The following DIP2C variants were observed in gnomAD, a reference collection of about 807,000 sequenced individuals.
The protein encoded by DIP2C is DIP2 acetate--CoA ligase C (putative), also known as disco-interacting protein 2 homolog C.
A neutral mutation model predicts 192.4 loss-of-function variants in DIP2C; 33 were observed. The ratio of observed to expected loss-of-function variants is 0.17; its 90% CI spans 0.13 to 0.23. DIP2C has a LOEUF of 0.23. Among genes scored for constraint, DIP2C ranks in the 10% least tolerant of loss-of-function variants. DIP2C has a pLI of 1.00. For synonymous variants in DIP2C, 979 were observed against 864.1 expected, an observed-to-expected ratio of 1.13 and a Z score of -2.33; for missense variants, 1,537 against 2,110.1, an observed-to-expected ratio of 0.73 and a Z score of 5.32.
intron 1 of DIP2C, among the ~76,000 whole-genome samples, chr10:509,833 G>C (rs1030789250): frequency 5.3e-5 from 8 of 152,076 alleles, no homozygotes; most frequent in South Asian, 2.1e-4. Flanking sequence ...GGAGAGGACA[G>C]GGCCGCCGCA....
Position 472,432 on chromosome 10 carries a change from T to A in DIP2C, c.268+7A>T, listed in dbSNP as rs1217806378. ...GGACGTATTGTATCACCCCACCCCG[T>A]GCTTACCTGACCGATAGCGCTCATC... On this transcript the variant is annotated splice_region_variant and intron_variant, in intron 3 of 36. Transcript: ENST00000280886. 4 of 1,613,426 alleles carry A rather than the reference T, an allele frequency of 2.5e-6. No homozygotes were observed. Among genetic ancestry groups the A allele is most frequent in the Non-Finnish European group, 3.4e-6 (4 of 1,179,568 alleles).
At chr10:441,524 T>C (rs546527807) in intron 3 of DIP2C, among the ~76,000 whole-genome samples, 2 of 152,284 alleles carry the variant, frequency 1.3e-5, no homozygotes, top group Admixed American at 6.5e-5. Flanking sequence ...GAAGAGGTAA[T>C]TGAATCATTG....
intron 1 of DIP2C, among the ~76,000 whole-genome samples, chr10:542,438 T>C: frequency 6.6e-6 from 1 of 152,080 alleles, no homozygotes. Context: ...AAAGGAACGG[T>C]GTCAAAGAGG....
At chr10:605,206 T>C (rs1369327616) in intron 1 of DIP2C, among the ~76,000 whole-genome samples, 3 of 152,192 alleles carry the variant, frequency 2.0e-5, no homozygotes, top group East Asian at 3.8e-4. Context: ...CAGAACCTTC[T>C]AGATGAAAGC....
chr10:483,029 C>T (rs1354108678), intron 2 of DIP2C, among the ~76,000 whole-genome samples: 1 of 152,192 alleles, frequency 6.6e-6, no homozygotes, highest in Non-Finnish European at 1.5e-5. Context: ...TAGATTTAGG[C>T]AGGTGCTCAG....
At chr10:549,725 C>T (rs543237760) in intron 1 of DIP2C, among the ~76,000 whole-genome samples, 1 of 152,302 alleles carries the variant, frequency 6.6e-6, no homozygotes, top group African/African-American at 2.4e-5. Flanking sequence ...CTTTTCACTC[C>T]CTACTCCCGA....
chr10:375,872 CA>C (rs199612256), intron 17 of DIP2C, among the ~76,000 whole-genome samples: 1 of 572 alleles, frequency 1.7e-3, no homozygotes, highest in Non-Finnish European at 5.8e-3. Flanking sequence ...CAAGGTCTTT[CA>C]TTTTTTTTAT....
chr10:357,935 T>C lies in DIP2C; in HGVS notation c.2797A>G (p.Ile933Val). Residue 933 changes from isoleucine to valine, a missense_variant and splice_region_variant, in exon 23 of 37, where the codon ATC (isoleucine) becomes GTC (valine). By Grantham distance (29) the Ile-to-Val change is conservative. This residue lies in a region of DIP2C where 677 missense variants were observed against 989.9 expected (regional missense o/e 0.68). Transcript: ENST00000280886. ...LPKPRQKQPEIGPASVMVGNL... is the reference protein window; with the variant it reads ...LPKPRQKQPEVGPASVMVGNL... ...CCCACCATCACAGAGGCAGGGCCGATTTCTAGAAAGAAACAGAGACATGGC... is the reference window on the plus strand; with the variant it reads ...CCCACCATCACAGAGGCAGGGCCGACTTCTAGAAAGAAACAGAGACATGGC... 4 of 1,611,106 alleles carry C rather than the reference T, an allele frequency of 2.5e-6. No homozygotes were observed. The highest frequency in any genetic ancestry group is 3.4e-6 in the Non-Finnish European group (4 of 1,178,674).
At chr10:304,775 A>C (rs865924039) in intron 32 of DIP2C, among the ~76,000 whole-genome samples, 15 of 151,464 alleles carry the variant, frequency 9.9e-5, no homozygotes, top group Admixed American at 6.6e-4. Flanking sequence ...CTACACTCAC[A>C]CATGCAAACT....
At chr10:634,412 C>T (rs931610905) in intron 1 of DIP2C, among the ~76,000 whole-genome samples, 1 of 152,222 alleles carries the variant, frequency 6.6e-6, no homozygotes. Context: ...TTGGAAGTAG[C>T]GCTGGAGAAT....
chr10:611,140 CTG>C (rs1289517879), intron 1 of DIP2C, among the ~76,000 whole-genome samples: 2 of 152,138 alleles, frequency 1.3e-5, no homozygotes, highest in Non-Finnish European at 2.9e-5. Flanking sequence ...ATCCCAAGTG[CTG>C]TCTCATGATA....
chr10:488,752 G>A (rs1448190250), intron 1 of DIP2C, among the ~76,000 whole-genome samples: 1 of 152,220 alleles, frequency 6.6e-6, no homozygotes, highest in Non-Finnish European at 1.5e-5. Flanking sequence ...GCTGTAGCTT[G>A]CGTGATGTCG....
chr10:365,306 G>A (rs1960055828), intron 19 of DIP2C, among the ~76,000 whole-genome samples: 2 of 152,228 alleles, frequency 1.3e-5, no homozygotes, highest in Admixed American at 1.3e-4. Context: ...GCTAAGATGG[G>A]AGGATTGCTT....
intron 17 of DIP2C, among the ~76,000 whole-genome samples, chr10:378,721 GT>G (rs1241852808): frequency 4.0e-5 from 6 of 151,216 alleles, no homozygotes; most frequent in African/African-American, 1.2e-4. Context: ...GCACAGACAC[GT>G]GAACAGACAT....
chr10:414,743 A>C (rs201926013), intron 7 of DIP2C, among the ~76,000 whole-genome samples: 25,811 of 64,408 alleles, frequency 0.4, 4,468 homozygotes, highest in Non-Finnish European at 0.52. Flanking sequence ...GTGTGTGTAC[A>C]TATATATATA....
At chr10:653,936 A>T (rs181616908) in intron 1 of DIP2C, among the ~76,000 whole-genome samples, 4 of 152,328 alleles carry the variant, frequency 2.6e-5, no homozygotes, top group East Asian at 3.9e-4. Flanking sequence ...TGTCTGGATT[A>T]ATGGATGCAC....
intron 1 of DIP2C, among the ~76,000 whole-genome samples, chr10:551,915 C>T (rs1848611886): frequency 6.6e-6 from 1 of 152,214 alleles, no homozygotes; most frequent in Non-Finnish European, 1.5e-5. Flanking sequence ...GCCGTGGTGT[C>T]ACACCCAGGA....
intron 1 of DIP2C, among the ~76,000 whole-genome samples, chr10:537,169 C>T (rs1327562161): frequency 6.6e-6 from 1 of 151,982 alleles, no homozygotes; most frequent in South Asian, 2.1e-4. Flanking sequence ...GAGGCAAGGC[C>T]GTATGAAGGA....
intron 1 of DIP2C, among the ~76,000 whole-genome samples, chr10:614,365 A>G (rs970905778): frequency 2.6e-5 from 4 of 152,232 alleles, no homozygotes; most frequent in African/African-American, 7.2e-5. Context: ...CCAGGCCTGG[A>G]CATGCACCTC....
Sources: gnomAD v4.1 joint callset for allele counts (sites outside exome capture counted in the v4.1 genomes callset) on GRCh38, gnomAD v4.1.1 for gene constraint, gnomAD v4.1.1 regional missense constraint, MANE v1.5 for transcripts, NCBI Gene and HGNC (gene_info 2026-07-23, HGNC 2026-07-21) for gene names.